Variants in KLHL32 observed in about 807,000 individuals in gnomAD.
KLHL32 encodes kelch-like protein 32.
A neutral mutation model predicts 64.8 loss-of-function variants in KLHL32; 35 were observed. The ratio of observed to expected loss-of-function variants is 0.54; its 90% CI spans 0.41 to 0.72. The LOEUF is 0.72. KLHL32 is among the 30% of genes least tolerant of loss of function. KLHL32 has a pLI of 0.00. For synonymous variants in KLHL32, 259 were observed against 281.0 expected, an observed-to-expected ratio of 0.92 and a Z score of 0.78; for missense variants, 589 against 768.5, an observed-to-expected ratio of 0.77 and a Z score of 2.76.
At chr6:96,932,417 C>T (rs1188438413) in intron 1 of KLHL32, among the ~76,000 whole-genome samples, 1 of 152,008 alleles carries the variant, frequency 6.6e-6, no homozygotes, top group African/African-American at 2.4e-5. Flanking sequence ...ATTTAAGAAA[C>T]TCATGCACAG....
At chr6:97,001,222 A>T (rs1055351978) in intron 3 of KLHL32, among the ~76,000 whole-genome samples, 1 of 152,192 alleles carries the variant, frequency 6.6e-6, no homozygotes, top group South Asian at 2.1e-4. Flanking sequence ...CAATTTTACC[A>T]TACTGGTGGG....
intron 3 of KLHL32, among the ~76,000 whole-genome samples, chr6:96,987,910 C>A (rs1777321296): frequency 6.6e-6 from 1 of 151,960 alleles, no homozygotes; most frequent in African/African-American, 2.4e-5. Flanking sequence ...ATGTAGAAAG[C>A]TGAAACTGGA....
chr6:97,105,772 A>T (rs537621976), intron 6 of KLHL32, among the ~76,000 whole-genome samples: 2,854 of 152,294 alleles, frequency 0.019, 83 homozygotes, highest in African/African-American at 0.066. Context: ...AGACAAAAAA[A>T]AAATACTTGT....
chr6:96,916,437 C>T, the KLHL32 span, among the ~76,000 whole-genome samples: 15 of 152,206 alleles, frequency 9.9e-5, no homozygotes, highest in Non-Finnish European at 1.5e-4. Flanking sequence ...TAGGAACAAA[C>T]CTTACTAAAG....
chr6:96,922,590 G>T (rs996871955), upstream of KLHL32, among the ~76,000 whole-genome samples: 3 of 151,894 alleles, frequency 2.0e-5, no homozygotes, highest in African/African-American at 7.3e-5. Flanking sequence ...ACAACTAAAA[G>T]ACCTACATGG....
At chr6:97,024,324 G>T (rs1229846824) in intron 3 of KLHL32, among the ~76,000 whole-genome samples, 1 of 152,092 alleles carries the variant, frequency 6.6e-6, no homozygotes, top group Non-Finnish European at 1.5e-5. Flanking sequence ...GCACATGGTG[G>T]TGGGATAAGG....
chr6:97,057,178 T>G (rs199528906), intron 4 of KLHL32, among the ~76,000 whole-genome samples: 27 of 75,354 alleles, frequency 3.6e-4, no homozygotes, highest in South Asian at 1.6e-3. Flanking sequence ...GTATCTTTTT[T>G]TTTTTTTTTT....
At chr6:97,111,722 C>T (rs941914631) in intron 6 of KLHL32, among the ~76,000 whole-genome samples, 13 of 152,050 alleles carry the variant, frequency 8.5e-5, no homozygotes, top group Admixed American at 1.3e-4. Flanking sequence ...TCTTGTCTGG[C>T]GTTCAGGAGG....
the KLHL32 span, among the ~76,000 whole-genome samples, chr6:96,910,721 A>G: frequency 6.6e-6 from 1 of 152,164 alleles, no homozygotes; most frequent in Non-Finnish European, 1.5e-5. Flanking sequence ...TAATCCCTTA[A>G]GCCTTTTAGG....
intron 3 of KLHL32, among the ~76,000 whole-genome samples, chr6:96,976,427 A>T (rs1400637300): frequency 6.6e-6 from 1 of 152,134 alleles, no homozygotes; most frequent in Non-Finnish European, 1.5e-5. Flanking sequence ...TTGGCACTTT[A>T]CCACCATGGG....
chr6:96,975,615 A>G (rs1775609122), intron 2 of KLHL32, among the ~76,000 whole-genome samples: 1 of 152,160 alleles, frequency 6.6e-6, no homozygotes, highest in South Asian at 2.1e-4. Flanking sequence ...ACACACATAT[A>G]CACATGCCCA....
At chr6:97,105,335 T>C (rs1052434430) in intron 6 of KLHL32, 5 of 414,282 alleles carry the variant, frequency 1.2e-5, no homozygotes, top group Non-Finnish European at 2.5e-5. Flanking sequence ...GCTTCCTACT[T>C]CTTGTTGCCC....
At chr6:96,960,847 T>C (rs1654366187) in intron 1 of KLHL32, among the ~76,000 whole-genome samples, 1 of 152,220 alleles carries the variant, frequency 6.6e-6, no homozygotes, top group African/African-American at 2.4e-5. Flanking sequence ...GATTTTCTGA[T>C]TGGCATTTGG....
rs761611391 is a variant in KLHL32, at chr6:97,114,228, C to A, written c.1073C>A (p.Ala358Asp). 3.1e-6 allele frequency: 5 copies of A among 1,614,100 alleles called. No individual in the cohort carries two copies. Among genetic ancestry groups the A allele is most frequent in the Non-Finnish European group, 4.2e-6 (5 of 1,180,018 alleles). The change falls in exon 7 of 11, where the codon GCC (alanine) becomes GAC (aspartate). Residue 358 changes from alanine (A) to aspartate (D), a missense_variant. By Grantham distance (126) the Ala-to-Asp change is moderately radical. Coordinates refer to ENST00000369261, the MANE Select transcript of KLHL32 (RefSeq NM_052904.4). ...GTGGCAGGAGGGGAAGTTGAGCATG[C>A]CAGTGGCCGGACGTGTGCTGTGAGG... ...LFVAGGEVEH[A>D]SGRTCAVRTA...
chr6:97,007,098 G>GT (rs772725146), intron 3 of KLHL32, among the ~76,000 whole-genome samples: 1 of 151,830 alleles, frequency 6.6e-6, no homozygotes. Flanking sequence ...TAAGTTGCTT[G>GT]TTTTTTTCTC....
At chr6:97,045,735 C>T (rs75768443) in intron 4 of KLHL32, among the ~76,000 whole-genome samples, 2,484 of 152,172 alleles carry the variant, frequency 0.016, 31 homozygotes, top group East Asian at 0.071. Flanking sequence ...TGTGTGTGCA[C>T]GCATGTGTGC....
intron 4 of KLHL32, among the ~76,000 whole-genome samples, chr6:97,047,457 T>G (rs1348379200): frequency 6.6e-6 from 1 of 152,040 alleles, no homozygotes; most frequent in African/African-American, 2.4e-5. Context: ...GGGAGCAAGG[T>G]TGGAAGCAAA....
chr6:97,113,803 A>G lies in KLHL32; in HGVS notation c.648A>G (p.Glu216=), dbSNP rs746413128. 1.2e-6 allele frequency: 2 copies of G among 1,613,028 alleles called. No homozygotes were observed. Among genetic ancestry groups the G allele is most frequent in the Non-Finnish European group, 1.7e-6 (2 of 1,179,198 alleles). ...TTCAGCTAGCTGTGAGGTGGTTGGA[A>G]CACAACTGCCACTACCAGTACATGG... is the stretch of plus-strand genomic sequence containing the variant. ...QIWQLAVRWL[E]HNCHYQYMDE... The change falls in exon 7 of 11, where the codon GAA becomes GAG. Residue 216 remains glutamate, a synonymous_variant. Transcript: ENST00000369261.
At chr6:96,967,365 A>T (rs1774570253) in intron 2 of KLHL32, among the ~76,000 whole-genome samples, 1 of 152,062 alleles carries the variant, frequency 6.6e-6, no homozygotes, top group Non-Finnish European at 1.5e-5. Context: ...GAGGTATGCT[A>T]GTATAAAGGT....
Sources: allele counts gnomAD v4.1 joint callset (sites outside exome capture counted in the v4.1 genomes callset), GRCh38; gene constraint gnomAD v4.1.1; transcripts MANE v1.5; gene names NCBI Gene and HGNC (gene_info 2026-07-23, HGNC 2026-07-21).